Variants in FBXO42 observed in about 807,000 individuals in gnomAD.
FBXO42 encodes F-box protein 42.
A neutral mutation model predicts 71.7 loss-of-function variants in FBXO42; 12 were observed. The ratio of observed to expected loss-of-function variants is 0.17; its 90% CI spans 0.11 to 0.27. The LOEUF is 0.27. Among genes scored for constraint, FBXO42 ranks in the 10% least tolerant of loss-of-function variants. The pLI is 1.00. For synonymous variants in FBXO42, 325 were observed against 327.5 expected, an observed-to-expected ratio of 0.99 and a Z score of 0.08; for missense variants, 707 against 911.9, an observed-to-expected ratio of 0.78 and a Z score of 2.89.
intron 1 of FBXO42, among the ~76,000 whole-genome samples, chr1:16,348,473 C>A (rs533642791): frequency 6.6e-6 from 1 of 151,902 alleles, no homozygotes; most frequent in African/African-American, 2.4e-5. Flanking sequence ...CAAAGGTGGG[C>A]GGATCACATG....
At chr1:16,258,052 A>T (rs1265465711) in intron 4 of FBXO42, among the ~76,000 whole-genome samples, 2 of 151,720 alleles carry the variant, frequency 1.3e-5, no homozygotes, top group South Asian at 4.2e-4. Flanking sequence ...TTTTCAAAGG[A>T]TATCTTAAGC....
At position 16,246,932 on chromosome 1, in the gene FBXO42, A is replaced by G. The variant is rs957733016; in HGVS notation, c.*3738T>C. 4 of 152,260 alleles carry G rather than the reference A, an allele frequency of 2.6e-5. No individual in the cohort carries two copies. The highest frequency in any genetic ancestry group is 9.6e-5 in the African/African-American group (4 of 41,474). The allele number at this position is 152,260 out of a possible 1,614,324, so 9.4% of individuals were successfully genotyped here. A position where few individuals can be genotyped will look rare whatever the true frequency, so the allele number is the denominator to read the frequency against. ...ATGAAATTGACAGATTTAAATATCA[A>G]TGAAATCCATGTTTCATTCCTACAC... On this transcript the variant is annotated 3_prime_UTR_variant, in exon 10 of 10. Transcript: ENST00000375592.
rs149839834 is a variant in FBXO42 at position 16,326,245 on chromosome 1, G to A, written c.-17-10810C>T. Among the ~76,000 whole-genome samples, 408 of 149,918 alleles carry A rather than the reference G, an allele frequency of 2.7e-3. 1 individual carries two copies. The highest frequency in any genetic ancestry group is 9.6e-3 in the African/African-American group (391 of 40,906). ...TAATTTTGTATTTTTTCGCAAAGAC[G>A]GGGTTTCTCCATGTTGGTCAGGCTG... On this transcript the variant is annotated intron_variant, in intron 1 of 9. Coordinates refer to ENST00000375592, the MANE Select transcript of FBXO42 (RefSeq NM_018994.3).
intron 4 of FBXO42, among the ~76,000 whole-genome samples, chr1:16,269,028 C>G (rs1446184292): frequency 2.6e-5 from 4 of 151,468 alleles, no homozygotes; most frequent in African/African-American, 9.7e-5. Flanking sequence ...CCAGGCTGGT[C>G]TCGAACTCCT....
At chr1:16,318,354 G>A (rs2082387645) in intron 1 of FBXO42, among the ~76,000 whole-genome samples, 1 of 152,100 alleles carries the variant, frequency 6.6e-6, no homozygotes, top group Non-Finnish European at 1.5e-5. Context: ...GGAGGCAGAC[G>A]TTGCAGTGAG....
intron 1 of FBXO42, among the ~76,000 whole-genome samples, chr1:16,350,757 A>AG (rs1553156684): frequency 9.0e-5 from 4 of 44,262 alleles, no homozygotes; most frequent in Non-Finnish European, 1.2e-4. Context: ...AAAAAAAAAA[A>AG]AAAGAAAGAA....
chr1:16,278,839 C>T (rs935683578), intron 4 of FBXO42, among the ~76,000 whole-genome samples: 3 of 151,888 alleles, frequency 2.0e-5, no homozygotes, highest in Non-Finnish European at 4.4e-5. Context: ...AATGTAATGG[C>T]GCAATCTTGG....
chr1:16,317,900 C>A (rs139449480), intron 1 of FBXO42, among the ~76,000 whole-genome samples: 8 of 151,026 alleles, frequency 5.3e-5, no homozygotes, highest in Admixed American at 1.3e-4. Flanking sequence ...GCCTGGGCAA[C>A]CGAGTTAGAC....
intron 2 of FBXO42, among the ~76,000 whole-genome samples, chr1:16,311,961 A>C (rs1056695650): frequency 6.6e-6 from 1 of 152,142 alleles, no homozygotes; most frequent in African/African-American, 2.4e-5. Flanking sequence ...CTTGGAAGCA[A>C]CTAAGATGCC....
chr1:16,343,086 CAGA>C (rs2082622003), intron 1 of FBXO42, among the ~76,000 whole-genome samples: 1 of 152,130 alleles, frequency 6.6e-6, no homozygotes, highest in Non-Finnish European at 1.5e-5. Context: ...GTATTCTTTA[CAGA>C]AACACAAAAT....
At chr1:16,291,189 C>T (rs191194356) in intron 4 of FBXO42, among the ~76,000 whole-genome samples, 5 of 152,176 alleles carry the variant, frequency 3.3e-5, no homozygotes, top group Admixed American at 6.5e-5. Context: ...CTACCTACCT[C>T]GATGCACTAA....
intron 1 of FBXO42, among the ~76,000 whole-genome samples, chr1:16,326,355 C>T (rs911595993): frequency 3.3e-5 from 5 of 151,412 alleles, no homozygotes; most frequent in Non-Finnish European, 7.4e-5. Context: ...CGTGCCCAGC[C>T]TCTTTATTGT....
At chr1:16,309,401 C>T (rs2082289494) in intron 2 of FBXO42, among the ~76,000 whole-genome samples, 1 of 151,716 alleles carries the variant, frequency 6.6e-6, no homozygotes, top group African/African-American at 2.4e-5. Flanking sequence ...AAGAAAAAAA[C>T]CTTTTCCAAA....
chr1:16,320,297 G>A (rs1417876740), intron 1 of FBXO42, among the ~76,000 whole-genome samples: 1 of 144,538 alleles, frequency 6.9e-6, no homozygotes, highest in Admixed American at 7.3e-5. Context: ...AGAGGTGGAA[G>A]TTGCAGTAAG....
At chr1:16,294,654 C>T in intron 4 of FBXO42, 129 bp downstream of exon 4, 2 of 841,176 alleles carry the variant, frequency 2.4e-6, no homozygotes, top group East Asian at 5.1e-5. Flanking sequence ...ATTTACATGG[C>T]ACATTAAACT....
intron 4 of FBXO42, among the ~76,000 whole-genome samples, chr1:16,261,102 A>C (rs763270634): frequency 5.9e-5 from 9 of 152,364 alleles, no homozygotes; most frequent in Non-Finnish European, 1.3e-4. Context: ...TGATGCCTTA[A>C]AAGGTCTAGT....
Position 16,249,796 on chromosome 1 carries a change from A to G in FBXO42, c.*874T>C, listed in dbSNP as rs1005252848. ...TCACCACATATGAAAAAAAAAAAAGAAAAGAAAAAAGGTAGAAGAAAAAAG... is the reference window on the plus strand; with the variant it reads ...TCACCACATATGAAAAAAAAAAAAGGAAAGAAAAAAGGTAGAAGAAAAAAG... On this transcript the variant is annotated 3_prime_UTR_variant, in exon 10 of 10. Coordinates refer to ENST00000375592, the MANE Select transcript of FBXO42 (RefSeq NM_018994.3). 1.3e-5 allele frequency: 2 copies of G among 152,094 alleles called. No individual in the cohort carries two copies. The highest frequency in any genetic ancestry group is 4.8e-5 in the African/African-American group (2 of 41,446). 9.4% of individuals were successfully genotyped at this position (152,094 alleles called of 1,614,324 possible).
At position 16,249,099 on chromosome 1, in the gene FBXO42, G is replaced by A. The variant is rs575946428; in HGVS notation, c.*1571C>T. ...GTGGCAAGGTGATGTTTTGAAATTA[G>A]GATTTAAATTTCAAAACAAAACAAA... On this transcript the variant is annotated 3_prime_UTR_variant, in exon 10 of 10. Coordinates refer to ENST00000375592, the MANE Select transcript of FBXO42 (RefSeq NM_018994.3). The A allele has an allele frequency of 2.0e-5, 3 of 152,330 alleles. No individual in the cohort carries two copies. Among genetic ancestry groups the A allele is most frequent in the Admixed American group, 1.3e-4 (2 of 15,302 alleles). 9.4% of individuals were successfully genotyped at this position (152,330 alleles called of 1,614,324 possible).
rs752465859 is a variant in FBXO42 at position 16,288,019 on chromosome 1, G to A, written c.502+6764C>T. On this transcript the variant is annotated intron_variant, in intron 4 of 9. Transcript: ENST00000375592. ...AAATTAGCTGGGTGTGGTGGTGGGC[G>A]CCTGTAATCTCAGCTACTTGGGAGG... 3.3e-5 allele frequency among the ~76,000 whole-genome samples: 5 copies of A among 152,034 alleles called. 1 individual carries two copies. The highest frequency in any genetic ancestry group is 4.1e-4 in the South Asian group (2 of 4,822).
Sources: allele counts gnomAD v4.1 joint callset (sites outside exome capture counted in the v4.1 genomes callset), GRCh38; gene constraint gnomAD v4.1.1; transcripts MANE v1.5; gene names NCBI Gene and HGNC (gene_info 2026-07-23, HGNC 2026-07-21).